Variants in NAV3 observed in about 807,000 individuals in gnomAD.
NAV3 encodes neuron navigator 3.
A neutral mutation model predicts 244.7 loss-of-function variants in NAV3; 87 were observed. The observed-to-expected ratio is 0.36, with a 90% confidence interval of 0.30 to 0.42. The LOEUF (loss-of-function observed/expected upper bound fraction) is 0.42, where lower values mean the gene tolerates loss of function less well. NAV3 is among the 20% of genes least tolerant of loss of function. NAV3 has a pLI of 1.00. For synonymous variants in NAV3, 1,126 were observed against 1,042.2 expected, an observed-to-expected ratio of 1.08 and a Z score of -1.55; for missense variants, 2,663 against 2,893.3, an observed-to-expected ratio of 0.92 and a Z score of 1.83.
intron 12 of NAV3, among the ~76,000 whole-genome samples, chr12:78,084,763 T>C (rs1320310864): frequency 6.6e-6 from 1 of 152,206 alleles, no homozygotes; most frequent in African/African-American, 2.4e-5. Flanking sequence ...GACTTTCTTA[T>C]TAAGGTTAGC....
intron 8 of NAV3, among the ~76,000 whole-genome samples, chr12:78,011,311 A>G (rs2136658652): frequency 6.6e-6 from 1 of 152,298 alleles, no homozygotes; most frequent in African/African-American, 2.4e-5. Flanking sequence ...AATACTGTGT[A>G]ACAGAAGATA....
intron 2 of NAV3, among the ~76,000 whole-genome samples, chr12:77,638,769 C>A (rs1676371491): frequency 6.6e-6 from 1 of 152,198 alleles, no homozygotes; most frequent in Non-Finnish European, 1.5e-5. Flanking sequence ...AGTGATACTG[C>A]ATTGTCTGCC....
At chr12:77,925,540 G>GAA in intron 1 of NAV3, among the ~76,000 whole-genome samples, 2 of 31,666 alleles carry the variant, frequency 6.3e-5, no homozygotes, top group East Asian at 1.6e-3. Context: ...ATGAAAAGGC[G>GAA]GGGGGAGGTT....
At chr12:77,951,615 C>A (rs546480696) in intron 3 of NAV3, among the ~76,000 whole-genome samples, 11 of 152,264 alleles carry the variant, frequency 7.2e-5, no homozygotes, top group Admixed American at 2.0e-4. Context: ...AAGACACATG[C>A]ACACGTATGT....
At chr12:77,771,654 A>T (rs1870093868) in intron 2 of NAV3, among the ~76,000 whole-genome samples, 1 of 152,188 alleles carries the variant, frequency 6.6e-6, no homozygotes. Flanking sequence ...TAAGCAAACT[A>T]TCACAAGGAC....
intron 18 of NAV3, chr12:78,130,615 A>G (rs1371464740): frequency 6.3e-6 from 1 of 159,044 alleles, no homozygotes; most frequent in Non-Finnish European, 1.4e-5. Context: ...ATTATCATCC[A>G]GGAAGATTTC....
intron 2 of NAV3, among the ~76,000 whole-genome samples, chr12:77,620,092 G>A (rs922252220): frequency 2.6e-5 from 4 of 152,082 alleles, no homozygotes; most frequent in Admixed American, 2.0e-4. Flanking sequence ...ATAAAAATAA[G>A]TATAATTTTT....
chr12:78,081,354 A>C (rs1953342293), intron 12 of NAV3, among the ~76,000 whole-genome samples: 1 of 152,166 alleles, frequency 6.6e-6, no homozygotes, highest in Non-Finnish European at 1.5e-5. Context: ...AGTACCGTAA[A>C]GCTCATGGAG....
In NAV3 at chr12:78,117,160, TATATATATATATATATATA is replaced by T. The variant is rs1593651377; in HGVS notation, c.2769+257_2769+275del. Among the ~76,000 whole-genome samples the T allele has an allele frequency of 2.5e-4, 27 of 108,780 alleles. 1 individual carries two copies. The East Asian group carries it at 3.7e-3, about 15-fold the overall frequency. 71.4% of individuals were successfully genotyped at this position (108,780 alleles called of 152,430 possible). A position where few individuals can be genotyped will look rare whatever the true frequency, so the allele number is the denominator to read the frequency against. On this transcript the variant is annotated intron_variant, in intron 13 of 39. Transcript: ENST00000397909. ...CAATTTTGAATAAACAGAAGCAGCA[TATATATATATATATATATA>T]TATATATATATATATATGATATACA...
At chr12:77,716,774 A>C (rs1876380372) in intron 2 of NAV3, among the ~76,000 whole-genome samples, 1 of 151,910 alleles carries the variant, frequency 6.6e-6, no homozygotes, top group Non-Finnish European at 1.5e-5. Flanking sequence ...TTCTCTCTTA[A>C]TATTTTTATG....
Position 78,006,359 on chromosome 12 carries a change from G to A in NAV3, c.881-60G>A, listed in dbSNP as rs577907817. Reference sequence around the variant, plus strand: ...CAATAGTTTGGAAGTTCTCAATTATGTAATATAAATGATCAAGATTAATCG... The same window carrying A: ...CAATAGTTTGGAAGTTCTCAATTATATAATATAAATGATCAAGATTAATCG... On this transcript the variant is annotated intron_variant, in intron 7 of 39. Transcript: ENST00000397909. The A allele has an allele frequency of 6.3e-5, 93 of 1,466,950 alleles. No individual in the cohort carries two copies. In the East Asian group the frequency reaches 2.1e-3, roughly 33 times the overall value. 90.9% of individuals were successfully genotyped at this position (1,466,950 alleles called of 1,614,324 possible).
chr12:77,681,762 C>T (rs1874480499), intron 2 of NAV3, among the ~76,000 whole-genome samples: 1 of 152,156 alleles, frequency 6.6e-6, no homozygotes, highest in Non-Finnish European at 1.5e-5. Flanking sequence ...TAACTAACAT[C>T]AACCAGGATT....
At chr12:78,010,799 G>A (rs1001756435) in intron 8 of NAV3, 1 of 151,802 alleles carries the variant, frequency 6.6e-6, no homozygotes, top group East Asian at 1.9e-4. Flanking sequence ...TTATATAATG[G>A]GAAGATTGAT....
intron 1 of NAV3, among the ~76,000 whole-genome samples, chr12:77,851,619 T>C (rs898869167): frequency 6.6e-5 from 10 of 152,292 alleles, no homozygotes; most frequent in South Asian, 2.1e-4. Context: ...TTTTAATGAT[T>C]AGGGAAACTT....
chr12:78,050,201 C>A, intron 10 of NAV3, 100 bp downstream of exon 10: 1 of 818,534 alleles, frequency 1.2e-6, no homozygotes, highest in East Asian at 2.7e-5. Context: ...ATTTCAGTTT[C>A]CCCTTACTAT....
At chr12:78,090,501 C>A (rs891855555) in intron 12 of NAV3, among the ~76,000 whole-genome samples, 2 of 151,926 alleles carry the variant, frequency 1.3e-5, no homozygotes, top group African/African-American at 4.8e-5. Flanking sequence ...ATTCCAAGTT[C>A]TTAGATTAAT....
intron 12 of NAV3, 81 bp downstream of exon 12, chr12:78,059,196 A>G: frequency 7.6e-7 from 1 of 1,321,900 alleles, no homozygotes; most frequent in Admixed American, 2.4e-5. Context: ...ACTCCTATTA[A>G]ACAGTGTAAA....
intron 30 of NAV3, among the ~76,000 whole-genome samples, chr12:78,183,140 A>G (rs2139770292): frequency 6.6e-6 from 1 of 152,140 alleles, no homozygotes. Flanking sequence ...ACAGAGGACC[A>G]TGACTTATTT....
chr12:77,897,809 T>C lies in NAV3; in HGVS notation c.244-42510T>C, dbSNP rs186322875. ...TTGCTACCCAAAGCATTGTGAGAAT[T>C]GCTACCACACTAAAGAAGCCTCAAG... is the stretch of plus-strand genomic sequence containing the variant. On this transcript the variant is annotated intron_variant, in intron 1 of 39. Transcript: ENST00000397909. 6.4e-4 allele frequency among the ~76,000 whole-genome samples: 98 copies of C among 152,264 alleles called. 1 individual carries two copies. The highest frequency in any genetic ancestry group is 2.3e-3 in the African/African-American group (97 of 41,556).
Sources: gnomAD v4.1 joint callset for allele counts (sites outside exome capture counted in the v4.1 genomes callset) on GRCh38, gnomAD v4.1.1 for gene constraint, MANE v1.5 for transcripts, NCBI Gene and HGNC (gene_info 2026-07-23, HGNC 2026-07-21) for gene names.